Variants in DENND1B observed in about 807,000 individuals in gnomAD.
The protein encoded by DENND1B is DENN domain-containing protein 1B.
DENND1B carries 59 observed loss-of-function variants against 90.1 expected under a neutral mutation model. The ratio of observed to expected loss-of-function variants is 0.65; its 90% CI spans 0.53 to 0.81. The LOEUF is 0.81. Ranked by LOEUF, DENND1B falls within the 40% of genes least tolerant of loss-of-function variation. The probability of loss-of-function intolerance (pLI) is 0.00; values close to 1 mark genes in which losing one functional copy is unlikely to be tolerated. For missense variants in DENND1B, 862 were observed against 912.6 expected (o/e 0.94, Z 0.71); for synonymous variants, 337 against 324.6 (o/e 1.04, Z -0.41).
At chr1:197,669,208 A>C (rs1403934921) in intron 5 of DENND1B, among the ~76,000 whole-genome samples, 1 of 152,122 alleles carries the variant, frequency 6.6e-6, no homozygotes, top group African/African-American at 2.4e-5. Context: ...TTATGTGCTC[A>C]AATACACAAA....
intron 16 of DENND1B, among the ~76,000 whole-genome samples, chr1:197,550,148 C>T (rs1035610040): frequency 1.3e-5 from 2 of 152,050 alleles, no homozygotes; most frequent in African/African-American, 4.8e-5. Flanking sequence ...ATGTTAATTT[C>T]TGCCACAGTG....
intron 2 of DENND1B, among the ~76,000 whole-genome samples, chr1:197,759,860 A>T (rs991105887): frequency 6.6e-6 from 1 of 151,942 alleles, no homozygotes; most frequent in Non-Finnish European, 1.5e-5. Flanking sequence ...CTCTCCTCAA[A>T]CCCAGCTTTT....
chr1:197,705,838 A>G (rs1286652435), intron 3 of DENND1B, among the ~76,000 whole-genome samples: 1 of 151,996 alleles, frequency 6.6e-6, no homozygotes, highest in Non-Finnish European at 1.5e-5. Flanking sequence ...TCATGTCTTC[A>G]CTGTAGGGAG....
chr1:197,778,965 A>G (rs1657364937), upstream of DENND1B, among the ~76,000 whole-genome samples: 1 of 152,156 alleles, frequency 6.6e-6, no homozygotes, highest in Non-Finnish European at 1.5e-5. Context: ...CAAACAATAC[A>G]AGAACCTCTA....
intron 15 of DENND1B, among the ~76,000 whole-genome samples, chr1:197,574,685 C>A (rs1673496171): frequency 6.6e-6 from 1 of 152,174 alleles, no homozygotes; most frequent in African/African-American, 2.4e-5. Flanking sequence ...TACCTAACTT[C>A]AAACTATACT....
intron 15 of DENND1B, among the ~76,000 whole-genome samples, chr1:197,576,480 T>A (rs1416393062): frequency 6.6e-6 from 1 of 152,264 alleles, no homozygotes; most frequent in East Asian, 1.9e-4. Context: ...AGCCAAAGGA[T>A]GTATGTGGTA....
At chr1:197,513,534 C>T (rs888877312) in intron 20 of DENND1B, among the ~76,000 whole-genome samples, 3 of 150,972 alleles carry the variant, frequency 2.0e-5, no homozygotes, top group East Asian at 2.0e-4. Context: ...GGGGGTCACA[C>T]TTTGAATCAT....
intron 11 of DENND1B, among the ~76,000 whole-genome samples, chr1:197,615,060 G>A (rs974887425): frequency 1.3e-5 from 2 of 151,032 alleles, no homozygotes; most frequent in Admixed American, 1.3e-4. Flanking sequence ...TTCTTCTTAT[G>A]TGTTGCCATC....
At chr1:197,704,297 T>G (rs1283372923) in intron 3 of DENND1B, among the ~76,000 whole-genome samples, 1 of 152,182 alleles carries the variant, frequency 6.6e-6, no homozygotes, top group African/African-American at 2.4e-5. Flanking sequence ...ATGCAATCTC[T>G]TTTTTCCCTC....
intron 20 of DENND1B, among the ~76,000 whole-genome samples, chr1:197,514,644 G>A (rs1571694813): frequency 6.6e-6 from 1 of 151,524 alleles, no homozygotes; most frequent in Non-Finnish European, 1.5e-5. Context: ...ATTGGTGAAG[G>A]CTACATAAAT....
intron 10 of DENND1B, among the ~76,000 whole-genome samples, chr1:197,619,101 C>T (rs1373701273): frequency 6.6e-6 from 1 of 151,044 alleles, no homozygotes; most frequent in Non-Finnish European, 1.5e-5. Flanking sequence ...TTTGATTTCA[C>T]TTAGGATGTT....
intron 8 of DENND1B, among the ~76,000 whole-genome samples, chr1:197,646,380 G>A (rs73075682): frequency 2.0e-5 from 3 of 151,738 alleles, no homozygotes; most frequent in African/African-American, 7.3e-5. Context: ...CTTCTATAAT[G>A]TTCAAAGAAG....
In DENND1B at chr1:197,567,705, G is replaced by A. The variant is rs184792470; in HGVS notation, c.1150-14593C>T. On this transcript the variant is annotated intron_variant, in intron 15 of 22. Transcript: ENST00000620048. ...GATATACTACATTAACAGAATAAACGGCAAAAACCTTATGATCACATCAAC... is the reference window on the plus strand; with the variant it reads ...GATATACTACATTAACAGAATAAACAGCAAAAACCTTATGATCACATCAAC... Among the ~76,000 whole-genome samples the A allele has an allele frequency of 2.1e-3, 316 of 152,000 alleles. 2 individuals carry two copies. The highest frequency in any genetic ancestry group is 7.3e-3 in the African/African-American group (304 of 41,460).
chr1:197,735,456 G>A, intron 2 of DENND1B: 1 of 1,514,482 alleles, frequency 6.6e-7, no homozygotes. Context: ...TGGGTTCTCG[G>A]GTACATTTCC....
chr1:197,670,515 G>A (rs1319816936), intron 5 of DENND1B, among the ~76,000 whole-genome samples: 1 of 135,196 alleles, frequency 7.4e-6, no homozygotes, highest in Non-Finnish European at 1.6e-5. Context: ...TAGGGGAGAG[G>A]GGGAGAGAGG....
At chr1:197,754,751 T>C (rs1654059714) in intron 2 of DENND1B, among the ~76,000 whole-genome samples, 1 of 149,318 alleles carries the variant, frequency 6.7e-6, no homozygotes, top group Non-Finnish European at 1.5e-5. Flanking sequence ...CAATTGGTAA[T>C]GGTTAGATAA....
At chr1:197,673,312 A>G (rs1655717396) in intron 4 of DENND1B, among the ~76,000 whole-genome samples, 1 of 152,026 alleles carries the variant, frequency 6.6e-6, no homozygotes, top group African/African-American at 2.4e-5. Flanking sequence ...AGATAAGGTA[A>G]AACAAGGAGT....
intron 2 of DENND1B, among the ~76,000 whole-genome samples, chr1:197,732,368 T>C (rs1002374340): frequency 3.9e-5 from 6 of 152,156 alleles, no homozygotes; most frequent in Admixed American, 2.6e-4. Flanking sequence ...TACTTATCTC[T>C]TTGCCCTTAC....
chr1:197,598,043 C>T (rs564176177), intron 13 of DENND1B, among the ~76,000 whole-genome samples: 1 of 151,828 alleles, frequency 6.6e-6, no homozygotes, highest in Non-Finnish European at 1.5e-5. Flanking sequence ...CAAGAAAACA[C>T]AATCATACAT....
Sources: gnomAD v4.1 joint callset for allele counts (sites outside exome capture counted in the v4.1 genomes callset) on GRCh38, gnomAD v4.1.1 for gene constraint, MANE v1.5 for transcripts, NCBI Gene and HGNC (gene_info 2026-07-23, HGNC 2026-07-21) for gene names.